Variants in CAD observed in about 807,000 individuals in gnomAD.
The protein encoded by CAD is carbamoyl-phosphate synthetase 2, aspartate transcarbamylase, and dihydroorotase, also known as multifunctional protein CAD.
In CAD, 81 loss-of-function variants were observed where a neutral mutation model predicts 237.2. The observed-to-expected ratio is 0.34, with a 90% CI of 0.29 to 0.41. The LOEUF is 0.41. Ranked by LOEUF, CAD falls within the 10% of genes least tolerant of loss-of-function variation. The pLI, the probability that CAD is intolerant of heterozygous loss-of-function variation, is 1.00. For synonymous variants in CAD, 1,196 were observed against 1,162.8 expected, an observed-to-expected ratio of 1.03 and a Z score of -0.58; for missense variants, 2,181 against 2,951.7, an observed-to-expected ratio of 0.74 and a Z score of 6.05.
intron 8 of CAD, 47 bp from the exon 9 acceptor site, chr2:27,224,298 G>A (rs766680295): frequency 1.9e-6 from 3 of 1,604,266 alleles, no homozygotes; most frequent in Non-Finnish European, 2.6e-6. Flanking sequence ...TTGACCTCTT[G>A]GGTCCAGCTC....
At position 27,234,107 on chromosome 2, in the gene CAD, C is replaced by T; in HGVS notation, c.3499C>T (p.Leu1167=). ...AGGTGTGCATTCAGGTGATGCGACG[C>T]TGGTGACCCCCCCACAAGATATCAC... ...NAGVHSGDAT[L]VTPPQDITAK... The change falls in exon 22 of 44, where the codon CTG becomes TTG. Residue 1167 remains leucine, a synonymous_variant. Transcript: ENST00000264705. 6.2e-7 allele frequency: 1 copy of T among 1,614,188 alleles called. No homozygotes were observed. Among genetic ancestry groups the T allele is most frequent in the African/African-American group, 1.3e-5 (1 of 75,036 alleles).
Position 27,226,616 on chromosome 2 carries a change from A to G in CAD, c.2123A>G (p.Lys708Arg), listed in dbSNP as rs556041181. Residue 708 changes from lysine (K) to arginine (R), a missense_variant, in exon 14 of 44, where the codon AAG becomes AGG. Around this residue, in one of 12 missense-constraint regions of CAD, gnomAD observed 385 missense variants for 535.1 expected, o/e 0.72. Coordinates refer to ENST00000264705, the MANE Select transcript of CAD (RefSeq NM_004341.5). The part of the protein sequence containing the change: ...TGYPLAYVAA[K>R]LALGIPLPEL... ...TATCCACTGGCTTATGTGGCAGCCA[A>G]GCTAGCATTGGGCATCCCTTTGCCT... 6.2e-7 allele frequency: 1 copy of G among 1,614,096 alleles called. No homozygotes were observed. The highest frequency in any genetic ancestry group is 8.5e-7 in the Non-Finnish European group (1 of 1,179,962).
chr2:27,233,342 C>G lies in CAD; in HGVS notation c.3022C>G (p.Pro1008Ala). ...VVMDIYELEN[P>A]EGVILSMGGQ... is the part of the protein sequence containing the mutation. Reference sequence around the variant, plus strand: ...GATGGACATCTATGAGCTCGAGAACCCTGAAGGTGTGATCCTATCCATGGG... The same window carrying G: ...GATGGACATCTATGAGCTCGAGAACGCTGAAGGTGTGATCCTATCCATGGG... The change falls in exon 20 of 44, where the codon CCT (proline) becomes GCT (alanine). Residue 1008 changes from proline (P) to alanine (A), a missense_variant. Physicochemically the swap from Pro to Ala is conservative, Grantham distance 27 (BLOSUM62 -1). Transcript: ENST00000264705. The surrounding 1 kb of genome is among the most constrained non-coding windows in gnomAD (Gnocchi z 6.3). 6.2e-7 allele frequency: 1 copy of G among 1,614,184 alleles called. No individual in the cohort carries two copies. Among genetic ancestry groups the G allele is most frequent in the Non-Finnish European group, 8.5e-7 (1 of 1,180,018 alleles).
chr2:27,218,925 G>A (rs759877197), intron 2 of CAD, among the ~76,000 whole-genome samples: 1 of 152,152 alleles, frequency 6.6e-6, no homozygotes, highest in Non-Finnish European at 1.5e-5. Context: ...GATAAAGGAC[G>A]TACATGTTGT....
chr2:27,224,006 C>T lies in CAD; in HGVS notation c.1085C>T (p.Ala362Val). The T allele has an allele frequency of 6.2e-7, 1 of 1,613,120 alleles. No homozygotes were observed. The highest frequency in any genetic ancestry group is 8.5e-7 in the Non-Finnish European group (1 of 1,179,052). Residue 362 changes from alanine to valine, a missense_variant, in exon 8 of 44, where the codon GCT becomes GTT. Ala to Val is a moderately conservative substitution (Grantham distance 64). Coordinates refer to ENST00000264705, the MANE Select transcript of CAD (RefSeq NM_004341.5). The stretch of plus-strand genomic sequence containing the variant: ...CTGGAAACTGTGAAAGAGGCCACAG[C>T]TGGGAACCCTGGGGGCCAGACAGGT... ...IFLETVKEAT[A>V]GNPGGQTVRE... is the part of the protein sequence containing the mutation.
rs962710633 is a variant in CAD, at chr2:27,218,162, G to C, written c.222+146G>C. ...GTAAAGTCAAGGACTAAGATCACTAGTAACTGTAGTTAGGGGTTGTTAAGT... is the reference window on the plus strand; with the variant it reads ...GTAAAGTCAAGGACTAAGATCACTACTAACTGTAGTTAGGGGTTGTTAAGT... On this transcript the variant is annotated intron_variant, in intron 2 of 43. Coordinates refer to ENST00000264705, the MANE Select transcript of CAD (RefSeq NM_004341.5). 1.0e-5 allele frequency: 7 copies of C among 677,396 alleles called. No individual in the cohort carries two copies. In the Admixed American group the frequency reaches 1.4e-4, roughly 14 times the overall value. 42.0% of individuals were successfully genotyped at this position (677,396 alleles called of 1,614,324 possible).
rs375816502 is a variant in CAD, at chr2:27,233,278, G to A, written c.2992-34G>A. ...AAGGCTCAGATTCCTGCCCTCTTTT[G>A]CTGCCACCACTTGTTTCTCCCCCTG... On this transcript the variant is annotated intron_variant, in intron 19 of 43. Coordinates refer to ENST00000264705, the MANE Select transcript of CAD (RefSeq NM_004341.5). The surrounding 1 kb of genome is among the most constrained non-coding windows in gnomAD (Gnocchi z 6.3). The A allele has an allele frequency of 1.6e-5, 26 of 1,588,378 alleles. No homozygotes were observed. The African/African-American group carries it at 3.2e-4, about 20-fold the overall frequency.
At chr2:27,243,103 G>T (rs1572456206) in intron 42 of CAD, 95 bp from the exon 43 acceptor site, 1 of 1,365,736 alleles carries the variant, frequency 7.3e-7, no homozygotes, top group East Asian at 2.3e-5. Flanking sequence ...ATAGCTGCAT[G>T]TGGGTGTGGA....
chr2:27,236,930 T>C lies in CAD; in HGVS notation c.4396+100T>C. The C allele has an allele frequency of 1.1e-6, 1 of 945,526 alleles. No individual in the cohort carries two copies. The highest frequency in any genetic ancestry group is 1.7e-6 in the Non-Finnish European group (1 of 573,288). The allele number at this position is 945,526 out of a possible 1,614,324, so 58.6% of individuals were successfully genotyped here. A position where few individuals can be genotyped will look rare whatever the true frequency, so the allele number is the denominator to read the frequency against. ...TGGCTGGGGGGCCCACTCTTTGTCC[T>C]GGACTGCACAGACTGTGAAGACCCC... On this transcript the variant is annotated intron_variant, in intron 27 of 43. Transcript: ENST00000264705. This position sits in a 1 kb window ranked among gnomAD's most constrained non-coding sequence, Gnocchi z 4.1.
rs1396934238 is a variant in CAD, at chr2:27,242,105, C to T, written c.6078C>T (p.Pro2026=). The T allele has an allele frequency of 6.2e-7, 1 of 1,612,916 alleles. No individual in the cohort carries two copies. Among genetic ancestry groups the T allele is most frequent in the East Asian group, 2.2e-5 (1 of 44,874 alleles). The change falls in exon 39 of 44, where the codon CCC becomes CCT. Residue 2026 remains proline, a synonymous_variant. Transcript: ENST00000264705. This position sits in a 1 kb window ranked among gnomAD's most constrained non-coding sequence, Gnocchi z 6.4. The part of the protein sequence containing the change: ...CYADVVVLRH[P]QPGAVELAAK... ...CCGACGTCGTCGTGCTCCGGCACCC[C>T]CAGCCTGGAGCAGTGGAGGTGAGGC...
Position 27,236,716 on chromosome 2 carries a change from C to T in CAD, c.4315-33C>T. The T allele has an allele frequency of 1.2e-6, 2 of 1,605,828 alleles. No homozygotes were observed. Among genetic ancestry groups the T allele is most frequent in the African/African-American group, 2.7e-5 (2 of 74,850 alleles). ...TCTCCCTACAACTCCCAGGATCACC[C>T]TTCCCTTAAAGCTGACTGCTTTCCA... On this transcript the variant is annotated intron_variant, in intron 26 of 43. Coordinates refer to ENST00000264705, the MANE Select transcript of CAD (RefSeq NM_004341.5). The surrounding 1 kb of genome is among the most constrained non-coding windows in gnomAD (Gnocchi z 4.1).
At chr2:27,238,667 T>TGG in intron 31 of CAD, 35 bp downstream of exon 31, 1 of 1,557,530 alleles carries the variant, frequency 6.4e-7, no homozygotes. Context: ...CTCTGCCCAG[T>TGG]GGGGCTTGTG....
Position 27,236,502 on chromosome 2 carries a change from G to T in CAD, c.4293G>T (p.Lys1431Asn). Residue 1431 changes from lysine to asparagine, a missense_variant, in exon 26 of 44, where the codon AAG (lysine) becomes AAT (asparagine). Transcript: ENST00000264705. This position sits in a 1 kb window ranked among gnomAD's most constrained non-coding sequence, Gnocchi z 4.1. ...CCGTGCCCCTAATCATCGATATCAAGTGCACCAAACTCTTTGTGGAGGTAA... is the reference window on the plus strand; with the variant it reads ...CCGTGCCCCTAATCATCGATATCAATTGCACCAAACTCTTTGTGGAGGTAA... ...DFSVPLIIDIKCTKLFVEALG... is the reference protein window; with the variant it reads ...DFSVPLIIDINCTKLFVEALG... 1 of 1,612,662 alleles carries T rather than the reference G, an allele frequency of 6.2e-7. No homozygotes were observed.
intron 31 of CAD, 92 bp from the exon 32 acceptor site, chr2:27,238,950 A>AG: frequency 8.3e-7 from 1 of 1,206,608 alleles, no homozygotes; most frequent in African/African-American, 1.5e-5. Flanking sequence ...AGTGAGCATA[A>AG]GGAGGTTGTT....
rs1402438493 is a variant in CAD, at chr2:27,225,204, G to A, written c.1581G>A (p.Glu527=). ...AFAARMAEIG[E]HVAPSEAANS... ...CTGCCAGAATGGCAGAGATCGGAGAGCATGTGGCCCCGAGCGAGGCAGCAA... is the reference window on the plus strand; with the variant it reads ...CTGCCAGAATGGCAGAGATCGGAGAACATGTGGCCCCGAGCGAGGCAGCAA... The change falls in exon 11 of 44, where the codon GAG becomes GAA. Residue 527 remains glutamate, a synonymous_variant. Transcript: ENST00000264705. 1 of 1,614,074 alleles carries A rather than the reference G, an allele frequency of 6.2e-7. No homozygotes were observed. The highest frequency in any genetic ancestry group is 8.5e-7 in the Non-Finnish European group (1 of 1,179,992).
Position 27,239,720 on chromosome 2 carries a change from A to G in CAD, c.5418A>G (p.Gly1806=). ...AGGTTCTGGTACCCCCGGGCTATGG[A>G]CAGGATGTACGGAAGTGGCCACAGG... ...DGQVLVPPGY[G]QDVRKWPQGA... is the part of the protein sequence containing the mutation. Residue 1806 remains glycine, a synonymous_variant, in exon 34 of 44, where the codon GGA becomes GGG. Coordinates refer to ENST00000264705, the MANE Select transcript of CAD (RefSeq NM_004341.5). This position sits in a 1 kb window ranked among gnomAD's most constrained non-coding sequence, Gnocchi z 4.0. The G allele has an allele frequency of 6.3e-7, 1 of 1,593,742 alleles. No homozygotes were observed. The highest frequency in any genetic ancestry group is 8.6e-7 in the Non-Finnish European group (1 of 1,169,290).
Position 27,237,232 on chromosome 2 carries a change from C to A in CAD, c.4397-147C>A. On this transcript the variant is annotated intron_variant, in intron 27 of 43. Transcript: ENST00000264705. This position sits in a 1 kb window ranked among gnomAD's most constrained non-coding sequence, Gnocchi z 4.0. ...AGAGACGGGGTTTCACCATGTTGGTCAGGTTGGTCTCGAACTCCTGATCTC... is the reference window on the plus strand; with the variant it reads ...AGAGACGGGGTTTCACCATGTTGGTAAGGTTGGTCTCGAACTCCTGATCTC... The A allele has an allele frequency of 1.3e-6, 1 of 761,084 alleles. No individual in the cohort carries two copies. Among genetic ancestry groups the A allele is most frequent in the Non-Finnish European group, 2.2e-6 (1 of 453,126 alleles). The allele number at this position is 761,084 out of a possible 1,614,324, so 47.1% of individuals were successfully genotyped here. A position where few individuals can be genotyped will look rare whatever the true frequency, so the allele number is the denominator to read the frequency against.
intron 8 of CAD, 121 bp from the exon 9 acceptor site, chr2:27,224,224 C>A: frequency 1.8e-6 from 2 of 1,116,688 alleles, no homozygotes; most frequent in South Asian, 1.5e-5. Context: ...CTGGTCCTCC[C>A]TCTGCTCCTC....
Position 27,240,385 on chromosome 2 carries a change from C to G in CAD, c.5593+24C>G. 1.7e-5 allele frequency: 28 copies of G among 1,602,260 alleles called. No homozygotes were observed. Among genetic ancestry groups the G allele is most frequent in the Non-Finnish European group, 2.4e-5 (28 of 1,169,246 alleles). ...AGGTAAGAGTGGGGTTCCTGTGACT[C>G]AGAGACTGTGTAGGGACAGGATCCA... On this transcript the variant is annotated intron_variant, in intron 35 of 43. Coordinates refer to ENST00000264705, the MANE Select transcript of CAD (RefSeq NM_004341.5). The surrounding 1 kb of genome is among the most constrained non-coding windows in gnomAD (Gnocchi z 4.6).
Sources: gnomAD v4.1 joint callset for allele counts (sites outside exome capture counted in the v4.1 genomes callset) on GRCh38, gnomAD v4.1.1 for gene constraint, gnomAD v4.1.1 regional missense constraint, Gnocchi (gnomAD v3.1) non-coding constraint, MANE v1.5 for transcripts, NCBI Gene and HGNC (gene_info 2026-07-23, HGNC 2026-07-21) for gene names.